The following NAPEPLD variants were observed in gnomAD, a reference collection of about 807,000 sequenced individuals.
NAPEPLD encodes the protein N-acyl-phosphatidylethanolamine-hydrolyzing phospholipase D.
In NAPEPLD, 23 loss-of-function variants were observed where a neutral mutation model predicts 38.1. The ratio of observed to expected loss-of-function variants is 0.60; its 90% CI spans 0.43 to 0.86. The LOEUF (loss-of-function observed/expected upper bound fraction) is 0.86, where lower values mean the gene tolerates loss of function less well. NAPEPLD is among the 40% of genes least tolerant of loss of function. The pLI, the probability that NAPEPLD is intolerant of heterozygous loss-of-function variation, is 0.00. For missense variants in NAPEPLD, 411 were observed against 476.8 expected, an observed-to-expected ratio of 0.86 and a Z score of 1.28; for synonymous variants, 147 against 162.0, an observed-to-expected ratio of 0.91 and a Z score of 0.71.
intron 3 of NAPEPLD, among the ~76,000 whole-genome samples, chr7:103,118,429 C>T (rs1185379216): frequency 2.0e-5 from 3 of 151,732 alleles, no homozygotes; most frequent in Non-Finnish European, 4.4e-5. Context: ...AATAAGGAAA[C>T]TAGCAAAAAA....
intron 1 of NAPEPLD, chr7:103,141,524 A>G: frequency 6.9e-7 from 1 of 1,441,788 alleles, no homozygotes; most frequent in Non-Finnish European, 9.8e-7. Flanking sequence ...GATGTGTTCC[A>G]TGAGAATCTG....
intron 1 of NAPEPLD, among the ~76,000 whole-genome samples, chr7:103,134,967 A>G (rs1265645661): frequency 2.6e-5 from 4 of 152,240 alleles, no homozygotes; most frequent in African/African-American, 9.6e-5. Context: ...TTCAACATTT[A>G]AGATTTGCCA....
At chr7:103,144,282 T>G (rs562228305) in intron 1 of NAPEPLD, among the ~76,000 whole-genome samples, 10 of 152,352 alleles carry the variant, frequency 6.6e-5, no homozygotes, top group African/African-American at 2.4e-4. Flanking sequence ...AAGGCTCACC[T>G]TTTCTTTTGT....
At chr7:103,142,978 C>A (rs1055905276) in intron 1 of NAPEPLD, among the ~76,000 whole-genome samples, 1 of 151,916 alleles carries the variant, frequency 6.6e-6, no homozygotes, top group East Asian at 1.9e-4. Context: ...AATCCCAACA[C>A]GTTGGGAGGC....
At chr7:103,114,052 C>T (rs546338603) in intron 4 of NAPEPLD, among the ~76,000 whole-genome samples, 1 of 151,926 alleles carries the variant, frequency 6.6e-6, no homozygotes, top group East Asian at 1.9e-4. Context: ...GCACGCACCA[C>T]CACGCCTGGC....
chr7:103,148,290 T>C (rs1465181687), intron 1 of NAPEPLD, among the ~76,000 whole-genome samples: 4 of 151,910 alleles, frequency 2.6e-5, no homozygotes, highest in Non-Finnish European at 5.9e-5. Flanking sequence ...AACATGTATA[T>C]ATAACAACGT....
At position 103,116,223 on chromosome 7, in the gene NAPEPLD, G is replaced by A. The variant is rs369409337; in HGVS notation, c.942-1049C>T. ...ACTATAGGCACGTACCACCTCTCCCGGCTAATTTTTTGTATTTTTAGTAGA... is the reference window on the plus strand; with the variant it reads ...ACTATAGGCACGTACCACCTCTCCCAGCTAATTTTTTGTATTTTTAGTAGA... On this transcript the variant is annotated intron_variant, in intron 3 of 4. Transcript: ENST00000465647. Among the ~76,000 whole-genome samples the A allele has an allele frequency of 5.1e-3, 778 of 152,058 alleles. 7 individuals carry two copies. Among genetic ancestry groups the A allele is most frequent in the African/African-American group, 0.018 (743 of 41,460 alleles).
At chr7:103,127,258 C>T (rs1227846348) in intron 2 of NAPEPLD, 1 of 152,076 alleles carries the variant, frequency 6.6e-6, no homozygotes, top group East Asian at 1.9e-4. Context: ...AGAGTAAGGA[C>T]GGCACTGAAC....
At chr7:103,139,685 A>C (rs1275661374) in intron 1 of NAPEPLD, among the ~76,000 whole-genome samples, 1 of 152,234 alleles carries the variant, frequency 6.6e-6, no homozygotes, top group African/African-American at 2.4e-5. Flanking sequence ...GCAAAGGGGC[A>C]GACATGTTAT....
At chr7:103,130,838 C>A (rs929565786) in intron 1 of NAPEPLD, among the ~76,000 whole-genome samples, 1 of 152,138 alleles carries the variant, frequency 6.6e-6, no homozygotes, top group Non-Finnish European at 1.5e-5. Flanking sequence ...CTCAAGCAAT[C>A]TGCTTGCCTC....
intron 1 of NAPEPLD, among the ~76,000 whole-genome samples, chr7:103,140,927 T>C (rs1811174215): frequency 6.6e-6 from 1 of 152,146 alleles, no homozygotes; most frequent in African/African-American, 2.4e-5. Context: ...ACAGATTCTT[T>C]TGCTCAAAGG....
chr7:103,119,138 T>C (rs1226198199), intron 3 of NAPEPLD, among the ~76,000 whole-genome samples: 1 of 152,236 alleles, frequency 6.6e-6, no homozygotes, highest in Admixed American at 6.5e-5. Context: ...TTGAATGGTA[T>C]GTGAACTTCT....
intron 4 of NAPEPLD, among the ~76,000 whole-genome samples, chr7:103,104,614 G>C (rs1377796678): frequency 6.6e-6 from 1 of 152,182 alleles, no homozygotes; most frequent in East Asian, 1.9e-4. Context: ...CCTTTCAACT[G>C]ACTACTGAGT....
At chr7:103,109,306 C>T (rs922747233) in intron 4 of NAPEPLD, among the ~76,000 whole-genome samples, 4 of 152,282 alleles carry the variant, frequency 2.6e-5, no homozygotes, top group South Asian at 2.1e-4. Context: ...AGAAACACAT[C>T]GCACTTATTC....
At chr7:103,112,618 C>T (rs926958967) in intron 4 of NAPEPLD, among the ~76,000 whole-genome samples, 3 of 151,512 alleles carry the variant, frequency 2.0e-5, no homozygotes, top group Admixed American at 6.6e-5. Flanking sequence ...TGGGGGGCTA[C>T]GGGAGGGATA....
chr7:103,130,345 C>T (rs1052209051), intron 1 of NAPEPLD, among the ~76,000 whole-genome samples: 10 of 152,202 alleles, frequency 6.6e-5, no homozygotes, highest in Non-Finnish European at 1.5e-4. Context: ...AAAGCTAAAG[C>T]ACACGCTGTT....
chr7:103,138,572 G>A (rs929424071), intron 1 of NAPEPLD, among the ~76,000 whole-genome samples: 3 of 151,428 alleles, frequency 2.0e-5, no homozygotes, highest in Non-Finnish European at 2.9e-5. Flanking sequence ...AGGTTCAAAC[G>A]ATTCTCCTGC....
In NAPEPLD at chr7:103,119,728, T is replaced by G. The variant is rs201222635; in HGVS notation, c.790A>C (p.Lys264Gln). The G allele has an allele frequency of 5.0e-6, 8 of 1,614,158 alleles. No homozygotes were observed. The Middle Eastern group carries it at 4.9e-4, about 100-fold the overall frequency. The change falls in exon 3 of 5, where the codon AAG (lysine) becomes CAG (glutamine). Residue 264 changes from lysine to glutamine, a missense_variant. Transcript: ENST00000465647. ...ACAGACCAGCTGCCCCATAGCACCT[T>G]GTTGTCATCCATTAGAGTCCTTTTA... ...WCKRTLMDDN[K>Q]VLWGSWSVLG...
chr7:103,110,282 CA>C (rs1804251626), intron 4 of NAPEPLD, among the ~76,000 whole-genome samples: 1 of 152,034 alleles, frequency 6.6e-6, no homozygotes, highest in Non-Finnish European at 1.5e-5. Context: ...AGAGACACAA[CA>C]AAAAAGAGAA....
Sources: allele counts gnomAD v4.1 joint callset (sites outside exome capture counted in the v4.1 genomes callset), GRCh38; gene constraint gnomAD v4.1.1; transcripts MANE v1.5; gene names NCBI Gene and HGNC (gene_info 2026-07-23, HGNC 2026-07-21).